Variants in PEAK1 observed in about 807,000 individuals in gnomAD.
The protein encoded by PEAK1 is pseudopodium enriched atypical kinase 1.
A neutral mutation model predicts 124.7 loss-of-function variants in PEAK1; 54 were observed. The ratio of observed to expected loss-of-function variants is 0.43; its 90% CI spans 0.35 to 0.54. The LOEUF is 0.54. Among genes scored for constraint, PEAK1 ranks in the 20% least tolerant of loss-of-function variants. PEAK1 has a pLI of 0.01. For synonymous variants in PEAK1, 719 were observed against 760.0 expected (o/e 0.95, Z 0.89); for missense variants, 2,046 against 2,134.5 (o/e 0.96, Z 0.82).
chr15:77,402,259 A>C, intron 1 of PEAK1: 1 of 985,094 alleles, frequency 1.0e-6, no homozygotes, highest in Non-Finnish European at 1.2e-6. Flanking sequence ...AACAGAAACA[A>C]GCAGAAGGTT....
intron 6 of PEAK1, among the ~76,000 whole-genome samples, chr15:77,189,953 T>C (rs529730788): frequency 9.2e-5 from 14 of 151,826 alleles, no homozygotes; most frequent in African/African-American, 3.1e-4. Flanking sequence ...TAAGAGAAGG[T>C]GGGAAAAAGG....
At chr15:77,356,411 T>C (rs1476314892) in intron 2 of PEAK1, among the ~76,000 whole-genome samples, 1 of 152,136 alleles carries the variant, frequency 6.6e-6, no homozygotes, top group Admixed American at 6.5e-5. Context: ...ACATCAATGG[T>C]AGGAGAATAA....
rs1275484629 is a variant in PEAK1, at chr15:77,111,705, C to G, written c.*2451G>C. 1 of 151,078 alleles carries G rather than the reference C, an allele frequency of 6.6e-6. No individual in the cohort carries two copies. Among genetic ancestry groups the G allele is most frequent in the Admixed American group, 6.6e-5 (1 of 15,174 alleles). The allele number at this position is 151,078 out of a possible 1,614,324, so 9.4% of individuals were successfully genotyped here. On this transcript the variant is annotated 3_prime_UTR_variant, in exon 10 of 10. Coordinates refer to ENST00000682557, the MANE Select transcript of PEAK1 (RefSeq NM_001385026.1). ...ATAGAGTTAAAGTGAAGACTGGATC[C>G]AAATCATAACAGAAAAAGAGAAAGA...
rs779008526 is a variant in PEAK1 at position 77,179,634 on chromosome 15, T to C, written c.2293A>G (p.Thr765Ala). 4 of 1,614,036 alleles carry C rather than the reference T, an allele frequency of 2.5e-6. No homozygotes were observed. Among genetic ancestry groups the C allele is most frequent in the African/African-American group, 1.3e-5 (1 of 74,920 alleles). ...GAAGCCACAATCTGAGAAAGCACTG[T>C]GCTTGCTTTCTCTCTGGTGCTGCTG... Reference protein sequence around the residue: ...GSSSTREKASTVLSQIVASIQ... With the variant: ...GSSSTREKASAVLSQIVASIQ... The change falls in exon 7 of 10, where the codon ACA becomes GCA. Residue 765 changes from threonine (T) to alanine (A), a missense_variant. Physicochemically the swap from Thr to Ala is moderately conservative, Grantham distance 58. Coordinates refer to ENST00000682557, the MANE Select transcript of PEAK1 (RefSeq NM_001385026.1).
rs575010757 is a variant in PEAK1 at position 77,223,572 on chromosome 15, T to C, written c.-115+28795A>G. ...TACTGTGGCTAGTGGAAAGGAGTTATGGATTATTTTGTCAAGACAAAAGGT... is the reference window on the plus strand; with the variant it reads ...TACTGTGGCTAGTGGAAAGGAGTTACGGATTATTTTGTCAAGACAAAAGGT... On this transcript the variant is annotated intron_variant, in intron 6 of 9. Coordinates refer to ENST00000682557, the MANE Select transcript of PEAK1 (RefSeq NM_001385026.1). 1.2e-3 allele frequency among the ~76,000 whole-genome samples: 180 copies of C among 152,180 alleles called. 1 individual carries two copies. Among genetic ancestry groups the C allele is most frequent in the Non-Finnish European group, 1.1e-3 (78 of 67,968 alleles).
intron 6 of PEAK1, among the ~76,000 whole-genome samples, chr15:77,219,445 A>T (rs1210786923): frequency 2.0e-5 from 3 of 152,166 alleles, no homozygotes; most frequent in Non-Finnish European, 4.4e-5. Context: ...GAGCATAGTT[A>T]ATTTGGTAAA....
intron 6 of PEAK1, among the ~76,000 whole-genome samples, chr15:77,238,427 T>A (rs2060216806): frequency 2.0e-5 from 3 of 152,164 alleles, no homozygotes; most frequent in Admixed American, 6.5e-5. Context: ...ATGAATGCAG[T>A]GTCATCCTGC....
At chr15:77,291,465 A>T (rs2063208846) in intron 2 of PEAK1, among the ~76,000 whole-genome samples, 1 of 152,216 alleles carries the variant, frequency 6.6e-6, no homozygotes, top group Non-Finnish European at 1.5e-5. Flanking sequence ...AGAGAATAAC[A>T]TCAACCATAA....
At chr15:77,269,952 C>T (rs201832033) in intron 5 of PEAK1, among the ~76,000 whole-genome samples, 1 of 152,148 alleles carries the variant, frequency 6.6e-6, no homozygotes, top group Non-Finnish European at 1.5e-5. Context: ...CAGGAGCAGG[C>T]TGTTCAGTTT....
intron 6 of PEAK1, among the ~76,000 whole-genome samples, chr15:77,228,336 T>C (rs543151077): frequency 2.6e-5 from 4 of 152,292 alleles, no homozygotes; most frequent in Admixed American, 2.6e-4. Context: ...ATAGGGTGGC[T>C]AGCAGGCCTG....
At chr15:77,354,436 A>C (rs950721713) in intron 2 of PEAK1, among the ~76,000 whole-genome samples, 2 of 152,188 alleles carry the variant, frequency 1.3e-5, no homozygotes, top group Non-Finnish European at 2.9e-5. Flanking sequence ...TGGTCTCTCC[A>C]TTCCAAAATA....
intron 5 of PEAK1, among the ~76,000 whole-genome samples, chr15:77,260,400 G>A (rs2061377220): frequency 6.6e-6 from 1 of 152,034 alleles, no homozygotes; most frequent in South Asian, 2.1e-4. Context: ...TCAGGGAAAT[G>A]TGGCCCATAA....
At position 77,376,393 on chromosome 15, in the gene PEAK1, G is replaced by A. The variant is rs560160631; in HGVS notation, c.-665-11168C>T. ...TTCCCAGGAAGTTGGTTAAGGGGGT[G>A]GGGGGGAAGTACCTGCTCTTGAGGT... On this transcript the variant is annotated intron_variant, in intron 1 of 9. Coordinates refer to ENST00000682557, the MANE Select transcript of PEAK1 (RefSeq NM_001385026.1). 2.0e-5 allele frequency among the ~76,000 whole-genome samples: 3 copies of A among 151,944 alleles called. No individual in the cohort carries two copies. In the South Asian group the frequency reaches 6.2e-4, roughly 32 times the overall value.
chr15:77,304,648 CTG>C (rs967405244), intron 2 of PEAK1, among the ~76,000 whole-genome samples: 4 of 152,012 alleles, frequency 2.6e-5, no homozygotes, highest in African/African-American at 9.7e-5. Flanking sequence ...TGGGGTTTCA[CTG>C]TGTTAGCCAG....
At position 77,111,351 on chromosome 15, in the gene PEAK1, T is replaced by A. The variant is rs1434694620; in HGVS notation, c.*2805A>T. The A allele has an allele frequency of 5.3e-5, 8 of 152,378 alleles. No homozygotes were observed. In the East Asian group the frequency reaches 9.6e-4, roughly 18 times the overall value. The allele number at this position is 152,378 out of a possible 1,614,324, so 9.4% of individuals were successfully genotyped here. ...ATATTTGTGATAATGTTAAACTGAC[T>A]GAATTTCATTTTTTTGGAAAAATAT... On this transcript the variant is annotated 3_prime_UTR_variant, in exon 10 of 10. Coordinates refer to ENST00000682557, the MANE Select transcript of PEAK1 (RefSeq NM_001385026.1).
intron 2 of PEAK1, among the ~76,000 whole-genome samples, chr15:77,341,283 T>A (rs1022763592): frequency 1.3e-5 from 2 of 152,082 alleles, no homozygotes; most frequent in African/African-American, 2.4e-5. Context: ...GTGGATCATC[T>A]GAGGTCAGGA....
intron 6 of PEAK1, among the ~76,000 whole-genome samples, chr15:77,250,146 TATATATATAC>T (rs996902981): frequency 2.7e-4 from 39 of 143,484 alleles, no homozygotes; most frequent in African/African-American, 7.1e-4. Context: ...ACTGTTAAGA[TATATATATAC>T]ATATATATAC....
At chr15:77,332,179 A>G in intron 2 of PEAK1, 1 of 969,426 alleles carries the variant, frequency 1.0e-6, no homozygotes, top group Non-Finnish European at 1.2e-6. Flanking sequence ...AGCTAGTAAT[A>G]TAAGCTTACA....
chr15:77,221,215 T>C (rs1477720252), intron 6 of PEAK1, among the ~76,000 whole-genome samples: 2 of 152,098 alleles, frequency 1.3e-5, no homozygotes, highest in Admixed American at 6.6e-5. Flanking sequence ...CCAGCAAAGA[T>C]CATTTTAACA....
Sources: gnomAD v4.1 joint callset for allele counts (sites outside exome capture counted in the v4.1 genomes callset) on GRCh38, gnomAD v4.1.1 for gene constraint, MANE v1.5 for transcripts, NCBI Gene and HGNC (gene_info 2026-07-23, HGNC 2026-07-21) for gene names.